The following SOAT1 variants were observed in gnomAD, a reference collection of about 807,000 sequenced individuals.
SOAT1 encodes the protein sterol O-acyltransferase 1, also known as acyl-coenzyme A:cholesterol acyltransferase 1.
Under a neutral mutation model 69.5 loss-of-function variants are expected in SOAT1, and 55 were observed. The ratio of observed to expected loss-of-function variants is 0.79; its 90% CI spans 0.64 to 0.99. SOAT1 has a LOEUF of 0.99. Among genes scored for constraint, SOAT1 ranks in the 50% least tolerant of loss-of-function variants. The pLI is 0.00. For synonymous variants in SOAT1, 231 were observed against 224.7 expected (o/e 1.03, Z -0.25); for missense variants, 580 against 669.3 (o/e 0.87, Z 1.47).
intron 3 of SOAT1, among the ~76,000 whole-genome samples, chr1:179,325,443 C>T (rs1464721234): frequency 6.6e-6 from 1 of 152,136 alleles, no homozygotes; most frequent in East Asian, 1.9e-4. Context: ...TGAGCTACCA[C>T]GCTCGGCCTA....
chr1:179,336,219 T>C (rs1666147658), intron 4 of SOAT1, among the ~76,000 whole-genome samples: 1 of 151,312 alleles, frequency 6.6e-6, no homozygotes, highest in Admixed American at 6.6e-5. Context: ...TCTCAGCACT[T>C]TGGGAGGGCG....
intron 3 of SOAT1, among the ~76,000 whole-genome samples, chr1:179,334,811 T>C (rs1666090023): frequency 6.6e-6 from 1 of 150,408 alleles, no homozygotes; most frequent in Admixed American, 6.6e-5. Flanking sequence ...AGGTTGGGAG[T>C]TGGAGACCAG....
intron 6 of SOAT1, 123 bp downstream of exon 6, chr1:179,339,668 G>A (rs3753524): frequency 0.26 from 144,491 of 551,936 alleles, 20,289 homozygotes; most frequent in Admixed American, 0.4. Context: ...CAGATTTGAG[G>A]GTGATATTCC....
intron 2 of SOAT1, among the ~76,000 whole-genome samples, chr1:179,321,226 A>T (rs1665589531): frequency 6.6e-6 from 1 of 152,120 alleles, no homozygotes; most frequent in East Asian, 1.9e-4. Context: ...ATTCTTGGAC[A>T]TAATCTTTGT....
chr1:179,300,848 C>T lies in SOAT1; in HGVS notation c.-8-1829C>T, dbSNP rs575783320. The stretch of plus-strand genomic sequence containing the variant: ...CGGTGGCTCATGCCTGTAATCCCAG[C>T]ACTTTGGGAGGCTGAGGCGGGCGGA... On this transcript the variant is annotated intron_variant, in intron 1 of 15. Transcript: ENST00000367619. 2.0e-5 allele frequency among the ~76,000 whole-genome samples: 3 copies of T among 152,228 alleles called. No homozygotes were observed. In the East Asian group the frequency reaches 5.8e-4, roughly 29 times the overall value.
Position 179,354,484 on chromosome 1 carries a change from CT to C in SOAT1, c.*848del, listed in dbSNP as rs1318320382. 6.6e-6 allele frequency: 1 copy of C among 152,080 alleles called. No homozygotes were observed. Among genetic ancestry groups the C allele is most frequent in the Non-Finnish European group, 1.5e-5 (1 of 68,008 alleles). 9.4% of individuals were successfully genotyped at this position (152,080 alleles called of 1,614,324 possible). On this transcript the variant is annotated 3_prime_UTR_variant, in exon 16 of 16. Transcript: ENST00000367619. ...CACAAACTTAACATGGAAGATATTC[CT>C]TTTTAACTTTGTGGTAACTTCTTTG... is the stretch of plus-strand genomic sequence containing the variant.
intron 3 of SOAT1, among the ~76,000 whole-genome samples, chr1:179,331,377 T>TGCTAACTGAGAACA (rs1413058844): frequency 2.7e-4 from 41 of 152,188 alleles, no homozygotes; most frequent in Non-Finnish European, 4.7e-4. Flanking sequence ...TCTGTTCTCA[T>TGCTAACTGAGAACA]GCTAACTGAG....
At chr1:179,352,525 C>A (rs908636721) in intron 15 of SOAT1, among the ~76,000 whole-genome samples, 1 of 127,692 alleles carries the variant, frequency 7.8e-6, no homozygotes, top group Admixed American at 8.3e-5. Flanking sequence ...CCCAAATGTC[C>A]TATATTCTGC....
intron 2 of SOAT1, among the ~76,000 whole-genome samples, chr1:179,319,913 G>A (rs2124960098): frequency 6.6e-6 from 1 of 152,224 alleles, no homozygotes; most frequent in Middle Eastern, 3.4e-3. Flanking sequence ...ACCATGCCTG[G>A]CCTATTTGTC....
rs1359727518 is a variant in SOAT1, at chr1:179,354,364, TAGC to T, written c.*726_*728del. On this transcript the variant is annotated 3_prime_UTR_variant, in exon 16 of 16. Transcript: ENST00000367619. ...GAAGTAGGAAGGAAAAAATAAGAGA[TAGC>T]AGAGGAAAAAGAAAAACATTTCCTC... 1.3e-5 allele frequency: 2 copies of T among 152,574 alleles called. No homozygotes were observed. The highest frequency in any genetic ancestry group is 2.4e-5 in the African/African-American group (1 of 41,462). 9.5% of individuals were successfully genotyped at this position (152,574 alleles called of 1,614,324 possible). A position where few individuals can be genotyped will look rare whatever the true frequency, so the allele number is the denominator to read the frequency against.
chr1:179,297,984 A>G (rs1019777962), intron 1 of SOAT1, among the ~76,000 whole-genome samples: 1 of 140,992 alleles, frequency 7.1e-6, no homozygotes, highest in African/African-American at 2.7e-5. Context: ...TCTGACCAAC[A>G]AGAGTGAAAC....
intron 7 of SOAT1, among the ~76,000 whole-genome samples, chr1:179,341,800 T>G (rs541326892): frequency 5.9e-5 from 9 of 152,334 alleles, no homozygotes; most frequent in African/African-American, 1.4e-4. Context: ...CCCAAAGTGC[T>G]GAGATTACAG....
intron 2 of SOAT1, among the ~76,000 whole-genome samples, chr1:179,315,306 G>GGTGTGGTGGCATGTGA (rs1665352168): frequency 6.6e-6 from 1 of 151,896 alleles, no homozygotes; most frequent in Non-Finnish European, 1.5e-5. Context: ...TAATTAGGTG[G>GGTGTGGTGGCATGTGA]GTGTGGTGGC....
intron 1 of SOAT1, among the ~76,000 whole-genome samples, chr1:179,298,627 G>C (rs980679072): frequency 2.0e-5 from 3 of 152,032 alleles, no homozygotes; most frequent in Admixed American, 2.0e-4. Context: ...CCACCACGCC[G>C]GGCTAAATGT....
chr1:179,333,251 C>A (rs900025732), intron 3 of SOAT1, among the ~76,000 whole-genome samples: 1 of 152,022 alleles, frequency 6.6e-6, no homozygotes, highest in Non-Finnish European at 1.5e-5. Context: ...AGTTCCAGAC[C>A]GTTATCCATG....
At chr1:179,308,076 C>T (rs1328570291) in intron 2 of SOAT1, among the ~76,000 whole-genome samples, 6 of 152,170 alleles carry the variant, frequency 3.9e-5, no homozygotes, top group African/African-American at 7.2e-5. Flanking sequence ...AGGCGTGAGC[C>T]ACTGCGCCTG....
intron 2 of SOAT1, among the ~76,000 whole-genome samples, chr1:179,306,547 C>T (rs1227581116): frequency 6.6e-6 from 1 of 151,870 alleles, no homozygotes; most frequent in Non-Finnish European, 1.5e-5. Context: ...GTAGCACCAC[C>T]AAAAGCCAGG....
At chr1:179,297,483 C>G (rs530521975) in intron 1 of SOAT1, among the ~76,000 whole-genome samples, 2 of 152,062 alleles carry the variant, frequency 1.3e-5, no homozygotes, top group African/African-American at 2.4e-5. Context: ...TTACAGGCAC[C>G]TGCCATCACC....
At chr1:179,312,635 T>G (rs1416284685) in intron 2 of SOAT1, among the ~76,000 whole-genome samples, 1 of 152,196 alleles carries the variant, frequency 6.6e-6, no homozygotes, top group Non-Finnish European at 1.5e-5. Context: ...TGTGTGTTTC[T>G]GGTAGGCTTG....
Sources: gnomAD v4.1 joint callset for allele counts (sites outside exome capture counted in the v4.1 genomes callset) on GRCh38, gnomAD v4.1.1 for gene constraint, MANE v1.5 for transcripts, NCBI Gene and HGNC (gene_info 2026-07-23, HGNC 2026-07-21) for gene names.